MYO3B: variants seen among roughly 807,000 people sequenced by gnomAD.
The protein encoded by MYO3B is myosin IIIB, also known as myosin-IIIb.
Under a neutral mutation model 174.6 loss-of-function variants are expected in MYO3B, and 156 were observed. The ratio of observed to expected loss-of-function variants is 0.89; its 90% CI spans 0.78 to 1.02. MYO3B has a LOEUF of 1.02. Ranked by LOEUF, MYO3B falls within the 50% of genes least tolerant of loss-of-function variation. The probability of loss-of-function intolerance (pLI) is 0.00; values close to 1 mark genes in which losing one functional copy is unlikely to be tolerated. For synonymous variants in MYO3B, 563 were observed against 569.1 expected (o/e 0.99, Z 0.15); for missense variants, 1,632 against 1,639.4 (o/e 1.00, Z 0.08).
intron 32 of MYO3B, among the ~76,000 whole-genome samples, chr2:170,578,275 G>A (rs930037799): frequency 6.6e-6 from 1 of 152,230 alleles, no homozygotes; most frequent in South Asian, 2.1e-4. Context: ...GAGGGACATT[G>A]TTTGTGGGGA....
In MYO3B at chr2:170,329,566, T is replaced by C. The variant is rs1472983555; in HGVS notation, c.750-5819T>C. Among the ~76,000 whole-genome samples the C allele has an allele frequency of 5.3e-5, 8 of 150,902 alleles. No homozygotes were observed. The East Asian group carries it at 1.2e-3, about 22-fold the overall frequency. On this transcript the variant is annotated intron_variant, in intron 7 of 34. Transcript: ENST00000408978. Reference sequence around the variant, plus strand: ...TGGCTGATTTTTGTATTTTTTTTTTTTTTTTTTAGTATGGATGGGGTTTCA... The same window carrying C: ...TGGCTGATTTTTGTATTTTTTTTTTCTTTTTTTAGTATGGATGGGGTTTCA...
intron 32 of MYO3B, among the ~76,000 whole-genome samples, chr2:170,607,420 G>C (rs1261030197): frequency 1.3e-5 from 2 of 152,226 alleles, no homozygotes; most frequent in Admixed American, 1.3e-4. Flanking sequence ...TGATATAGCA[G>C]TTTTCATCTA....
intron 22 of MYO3B, among the ~76,000 whole-genome samples, chr2:170,413,481 G>C (rs1193667354): frequency 6.6e-6 from 1 of 152,108 alleles, no homozygotes; most frequent in East Asian, 1.9e-4. Context: ...GTGAGTGGTG[G>C]GGCTGTGCTC....
intron 7 of MYO3B, among the ~76,000 whole-genome samples, chr2:170,323,326 T>C (rs1413998434): frequency 6.6e-6 from 1 of 152,240 alleles, no homozygotes; most frequent in African/African-American, 2.4e-5. Context: ...AAATGTTCTT[T>C]GGATTTGCTT....
At position 170,304,445 on chromosome 2, in the gene MYO3B, AT is replaced by A. The variant is rs909490120; in HGVS notation, c.750-30931del. 1.1e-4 allele frequency among the ~76,000 whole-genome samples: 16 copies of A among 142,136 alleles called. 1 individual carries two copies. Among genetic ancestry groups the A allele is most frequent in the East Asian group, 4.1e-4 (2 of 4,882 alleles). The allele number at this position is 142,136 out of a possible 152,430, so 93.2% of individuals were successfully genotyped here. A position where few individuals can be genotyped will look rare whatever the true frequency, so the allele number is the denominator to read the frequency against. Reference sequence around the variant, plus strand: ...GAATTGTTGCTCATTTTTTCACTTTATTTTTTTTTCTTTTTTCTTTTTCTTT... The same window carrying A: ...GAATTGTTGCTCATTTTTTCACTTTATTTTTTTTCTTTTTTCTTTTTCTTT... On this transcript the variant is annotated intron_variant, in intron 7 of 34. Transcript: ENST00000408978.
Position 170,199,239 on chromosome 2 carries a change from C to A in MYO3B, c.34C>A (p.Pro12Thr). Residue 12 changes from proline (P) to threonine (T), a missense_variant, in exon 2 of 35, where the codon CCT becomes ACT. Transcript: ENST00000408978. ...TCTGTATGGATTATTTCACTATAAT[C>A]CTATGATGCTTGGACTTGAATCACT... ...KHLYGLFHYN[P>T]MMLGLESLPD... 3 of 1,613,152 alleles carry A rather than the reference C, an allele frequency of 1.9e-6. No homozygotes were observed. The highest frequency in any genetic ancestry group is 2.5e-6 in the Non-Finnish European group (3 of 1,179,498).
chr2:170,257,271 A>C lies in MYO3B; in HGVS notation c.749+21135A>C, dbSNP rs146006895. Reference sequence around the variant, plus strand: ...ATGTCTACAGAATATTCCACCCCACAATCACAGAATATACATTCTTCTCAT... The same window carrying C: ...ATGTCTACAGAATATTCCACCCCACCATCACAGAATATACATTCTTCTCAT... On this transcript the variant is annotated intron_variant, in intron 7 of 34. Transcript: ENST00000408978. 6.0e-3 allele frequency among the ~76,000 whole-genome samples: 909 copies of C among 152,276 alleles called. 5 individuals are homozygous for C. The highest frequency in any genetic ancestry group is 0.01 in the Non-Finnish European group (686 of 67,982).
chr2:170,365,871 T>C (rs932136493), intron 8 of MYO3B, among the ~76,000 whole-genome samples: 10 of 152,108 alleles, frequency 6.6e-5, no homozygotes, highest in Non-Finnish European at 1.3e-4. Flanking sequence ...CCTGAATATG[T>C]GTTTGGAGTT....
Position 170,369,256 on chromosome 2 carries a change from G to A in MYO3B, c.850G>A (p.Val284Ile), listed in dbSNP as rs759681607. 6.3e-5 allele frequency: 101 copies of A among 1,613,224 alleles called. No homozygotes were observed. Among genetic ancestry groups the A allele is most frequent in the South Asian group, 8.8e-5 (8 of 90,970 alleles). The change falls in exon 9 of 35, where the codon GTC becomes ATC. Residue 284 changes from valine to isoleucine, a missense_variant. Transcript: ENST00000408978. ...LIKDFERRPSVTHLLDHPFIK... is the reference protein window; with the variant it reads ...LIKDFERRPSITHLLDHPFIK... ...TAAGGATTTTGAAAGGCGACCTTCC[G>A]TCACACATCTCCTTGACCACCCATT...
chr2:170,636,268 A>C (rs954390160), intron 32 of MYO3B, among the ~76,000 whole-genome samples: 1 of 152,186 alleles, frequency 6.6e-6, no homozygotes, highest in African/African-American at 2.4e-5. Context: ...AGGCCTAGAA[A>C]TGTGACTGCC....
At chr2:170,517,637 C>T (rs540112554) in intron 29 of MYO3B, among the ~76,000 whole-genome samples, 54 of 152,142 alleles carry the variant, frequency 3.5e-4, no homozygotes, top group Non-Finnish European at 5.7e-4. Context: ...TGATTTGGGC[C>T]AGAGAACAAG....
At chr2:170,450,039 A>G (rs1574998246) in intron 23 of MYO3B, among the ~76,000 whole-genome samples, 2 of 152,352 alleles carry the variant, frequency 1.3e-5, no homozygotes, top group South Asian at 2.1e-4. Context: ...GACAGCCACT[A>G]TTAAAGCTAC....
rs556860736 is a variant in MYO3B, at chr2:170,432,118, T to G, written c.2651-11849T>G. ...TTTACGTATGTGCTATAGTAGGCTT[T>G]TAAGTTATTATTTTAGCATGTACTC... is the stretch of plus-strand genomic sequence containing the variant. On this transcript the variant is annotated intron_variant, in intron 22 of 34. Coordinates refer to ENST00000408978, the MANE Select transcript of MYO3B (RefSeq NM_138995.5). 2.6e-5 allele frequency among the ~76,000 whole-genome samples: 4 copies of G among 152,348 alleles called. No individual in the cohort carries two copies. In the South Asian group the frequency reaches 8.3e-4, roughly 32 times the overall value.
intron 7 of MYO3B, among the ~76,000 whole-genome samples, chr2:170,323,838 C>T (rs2093846308): frequency 6.6e-6 from 1 of 152,150 alleles, no homozygotes. Context: ...AAATATTAGA[C>T]TGCAGAAAAA....
chr2:170,281,413 A>G (rs754813427), intron 7 of MYO3B, among the ~76,000 whole-genome samples: 11 of 152,196 alleles, frequency 7.2e-5, no homozygotes, highest in Non-Finnish European at 1.5e-4. Context: ...ATCACACCAA[A>G]CACACTCTTG....
chr2:170,337,580 A>C lies in MYO3B; in HGVS notation c.815+2130A>C, dbSNP rs77683753. On this transcript the variant is annotated intron_variant, in intron 8 of 34. Coordinates refer to ENST00000408978, the MANE Select transcript of MYO3B (RefSeq NM_138995.5). ...ATTGATGACAGAGATTGGACTGTAC[A>C]CAACGCAGTTGACTCTTAAACAATG... is the stretch of plus-strand genomic sequence containing the variant. Among the ~76,000 whole-genome samples the C allele has an allele frequency of 2.9e-3, 449 of 152,308 alleles. 1 individual carries two copies. Among genetic ancestry groups the C allele is most frequent in the African/African-American group, 0.011 (438 of 41,560 alleles).
intron 7 of MYO3B, among the ~76,000 whole-genome samples, chr2:170,246,245 T>C (rs1204710630): frequency 6.6e-6 from 1 of 152,112 alleles, no homozygotes; most frequent in Admixed American, 6.5e-5. Context: ...TGGTTGATAA[T>C]TGAGAAATGA....
At chr2:170,356,882 G>A (rs2094125839) in intron 8 of MYO3B, among the ~76,000 whole-genome samples, 1 of 151,592 alleles carries the variant, frequency 6.6e-6, no homozygotes, top group Non-Finnish European at 1.5e-5. Flanking sequence ...GGCTCAAGCA[G>A]TCCTCCCACC....
chr2:170,595,820 C>A (rs1694112102), intron 32 of MYO3B, among the ~76,000 whole-genome samples: 1 of 152,078 alleles, frequency 6.6e-6, no homozygotes, highest in Non-Finnish European at 1.5e-5. Context: ...GTAGGCTTCT[C>A]TTCTCACTGT....
Sources: gnomAD v4.1 joint callset for allele counts (sites outside exome capture counted in the v4.1 genomes callset) on GRCh38, gnomAD v4.1.1 for gene constraint, MANE v1.5 for transcripts, NCBI Gene and HGNC (gene_info 2026-07-23, HGNC 2026-07-21) for gene names.